Variants in CTNNA3 observed in about 807,000 individuals in gnomAD.
The protein encoded by CTNNA3 is catenin alpha 3.
In CTNNA3, 76 loss-of-function variants were observed where a neutral mutation model predicts 95.7. The ratio of observed to expected loss-of-function variants is 0.79; its 90% CI spans 0.66 to 0.96. The LOEUF (loss-of-function observed/expected upper bound fraction) is 0.96. Among genes scored for constraint, CTNNA3 ranks in the 40% least tolerant of loss-of-function variants. The probability of loss-of-function intolerance (pLI) is 0.00; values close to 1 mark genes in which losing one functional copy is unlikely to be tolerated. For missense variants in CTNNA3, 1,191 were observed against 1,089.8 expected, an observed-to-expected ratio of 1.09 and a Z score of -1.31; for synonymous variants, 431 against 374.4, an observed-to-expected ratio of 1.15 and a Z score of -1.74.
At chr10:67,011,244 G>C (rs1320987051) in intron 7 of CTNNA3, among the ~76,000 whole-genome samples, 3 of 151,950 alleles carry the variant, frequency 2.0e-5, no homozygotes, top group African/African-American at 2.4e-5. Context: ...GGGAGGCTGA[G>C]GCAGGAGAAT....
chr10:66,495,364 A>G (rs1219958739), intron 11 of CTNNA3, among the ~76,000 whole-genome samples: 2 of 152,194 alleles, frequency 1.3e-5, no homozygotes, highest in Non-Finnish European at 2.9e-5. Flanking sequence ...CTTTATTTTA[A>G]AGATCACATA....
chr10:67,094,303 A>G (rs898551465), intron 7 of CTNNA3, among the ~76,000 whole-genome samples: 2 of 151,858 alleles, frequency 1.3e-5, no homozygotes, highest in African/African-American at 4.8e-5. Flanking sequence ...TTCTAACGAA[A>G]TAAGTATTTC....
chr10:66,997,563 T>C (rs188920614), intron 7 of CTNNA3, among the ~76,000 whole-genome samples: 1 of 152,286 alleles, frequency 6.6e-6, no homozygotes, highest in East Asian at 1.9e-4. Context: ...TCTTAATATG[T>C]ATTCATGTAA....
At chr10:67,389,528 G>C (rs1350714365) in intron 5 of CTNNA3, among the ~76,000 whole-genome samples, 5 of 151,944 alleles carry the variant, frequency 3.3e-5, no homozygotes, top group African/African-American at 1.2e-4. Flanking sequence ...AGGATACCCA[G>C]GAATTGAACT....
chr10:67,728,796 A>T (rs1033296083), intron 1 of CTNNA3, among the ~76,000 whole-genome samples: 1 of 152,136 alleles, frequency 6.6e-6, no homozygotes, highest in African/African-American at 2.4e-5. Context: ...TAGATTTGTT[A>T]GGTCGGACTG....
At chr10:67,634,167 G>A (rs1185941367) in intron 2 of CTNNA3, among the ~76,000 whole-genome samples, 1 of 152,116 alleles carries the variant, frequency 6.6e-6, no homozygotes, top group East Asian at 1.9e-4. Flanking sequence ...GAGATTGGGG[G>A]CCAATATTTA....
chr10:67,529,420 G>A (rs1840249486), intron 4 of CTNNA3, among the ~76,000 whole-genome samples: 1 of 141,416 alleles, frequency 7.1e-6, no homozygotes, highest in South Asian at 2.2e-4. Flanking sequence ...CCATAAATAA[G>A]TACAACTATT....
intron 5 of CTNNA3, among the ~76,000 whole-genome samples, chr10:67,369,398 C>G (rs1364294721): frequency 6.6e-6 from 1 of 152,084 alleles, no homozygotes; most frequent in Non-Finnish European, 1.5e-5. Context: ...CTAAATAGAT[C>G]AAAGATTTGC....
intron 5 of CTNNA3, among the ~76,000 whole-genome samples, chr10:67,517,707 A>AAG (rs1183963908): frequency 6.6e-6 from 1 of 152,154 alleles, no homozygotes; most frequent in Non-Finnish European, 1.5e-5. Context: ...TTAACTGCCC[A>AAG]TCAAGAGATA....
In CTNNA3 at chr10:67,718,077, A is replaced by G. The variant is rs143942394; in HGVS notation, c.-2+45357T>C. On this transcript the variant is annotated intron_variant, in intron 1 of 17. Coordinates refer to the CTNNA3 transcript ENST00000684154. ...TTCCTAGATATTTCATTCAATTTGTAGCAATTGTAAAAGGGAGTTCACTCA... is the reference window on the plus strand; with the variant it reads ...TTCCTAGATATTTCATTCAATTTGTGGCAATTGTAAAAGGGAGTTCACTCA... 6.0e-4 allele frequency among the ~76,000 whole-genome samples: 91 copies of G among 152,308 alleles called. 2 individuals carry two copies. The highest frequency in any genetic ancestry group is 2.1e-3 in the African/African-American group (87 of 41,560).
chr10:66,869,638 T>C lies in CTNNA3; in HGVS notation c.1048-94114A>G, dbSNP rs781186419. ...TCAGAAGGCTGGTGCAGGAGGTAAG[T>C]AGTAGAGGAGACAAACTGGGGTCAG... On this transcript the variant is annotated intron_variant, in intron 7 of 17. Coordinates refer to ENST00000433211, the MANE Select transcript of CTNNA3 (RefSeq NM_013266.4). Among the ~76,000 whole-genome samples the C allele has an allele frequency of 7.2e-5, 11 of 151,794 alleles. No homozygotes were observed. The South Asian group carries it at 8.3e-4, about 11-fold the overall frequency.
chr10:66,745,167 T>C (rs1331076349), intron 9 of CTNNA3, among the ~76,000 whole-genome samples: 1 of 152,212 alleles, frequency 6.6e-6, no homozygotes, highest in Non-Finnish European at 1.5e-5. Flanking sequence ...GAGCTCTCTT[T>C]ACACTGCATC....
intron 10 of CTNNA3, among the ~76,000 whole-genome samples, chr10:66,558,118 CTG>C (rs1370903182): frequency 6.6e-5 from 10 of 152,024 alleles, no homozygotes; most frequent in Non-Finnish European, 4.4e-5. Context: ...CTGGGGAAAA[CTG>C]GGATATGGAT....
rs1262306600 is a variant in CTNNA3, at chr10:67,221,902, T to C, written c.580-2032A>G. 2.0e-5 allele frequency among the ~76,000 whole-genome samples: 3 copies of C among 152,202 alleles called. No individual in the cohort carries two copies. The South Asian group carries it at 6.2e-4, about 31-fold the overall frequency. ...TATTTGTATAATATCATGTAGCTTA[T>C]AAAGTGCTTCTATACAGTATCTTAC... On this transcript the variant is annotated intron_variant, in intron 5 of 17. Coordinates refer to ENST00000433211, the MANE Select transcript of CTNNA3 (RefSeq NM_013266.4).
intron 7 of CTNNA3, among the ~76,000 whole-genome samples, chr10:66,855,979 T>C (rs927937812): frequency 5.3e-5 from 8 of 151,944 alleles, no homozygotes; most frequent in African/African-American, 4.8e-5. Context: ...AGGTTTGTTA[T>C]GTGAATAAAT....
At chr10:67,052,047 G>A (rs1046389593) in intron 7 of CTNNA3, among the ~76,000 whole-genome samples, 12 of 152,080 alleles carry the variant, frequency 7.9e-5, no homozygotes, top group Non-Finnish European at 1.2e-4. Flanking sequence ...GAGCCACCAC[G>A]CCTGGCCTAA....
intron 5 of CTNNA3, among the ~76,000 whole-genome samples, chr10:67,347,940 C>G (rs2132634721): frequency 6.6e-6 from 1 of 151,656 alleles, no homozygotes; most frequent in Non-Finnish European, 1.5e-5. Flanking sequence ...ATGAAAACAA[C>G]TCCTTCAGCA....
intron 13 of CTNNA3, among the ~76,000 whole-genome samples, chr10:66,123,054 C>T (rs543867026): frequency 5.0e-4 from 76 of 152,134 alleles, no homozygotes; most frequent in Non-Finnish European, 9.1e-4. Flanking sequence ...TCATGCCTTC[C>T]CAGCAGTCCA....
intron 3 of CTNNA3, among the ~76,000 whole-genome samples, chr10:67,540,622 CATGT>C (rs1840655130): frequency 6.6e-6 from 1 of 151,702 alleles, no homozygotes; most frequent in Admixed American, 6.6e-5. Context: ...ATGTTTTATA[CATGT>C]ATGTGTTTTA....
Sources: allele counts gnomAD v4.1 joint callset (sites outside exome capture counted in the v4.1 genomes callset), GRCh38; gene constraint gnomAD v4.1.1; transcripts MANE v1.5; gene names NCBI Gene and HGNC (gene_info 2026-07-23, HGNC 2026-07-21).